Variants in SDK1 observed in about 807,000 individuals in gnomAD.
SDK1 encodes protein sidekick-1.
In SDK1, 157 loss-of-function variants were observed where a neutral mutation model predicts 245.5. That is an observed-to-expected ratio of 0.64 (90% CI 0.56 to 0.73). The LOEUF is 0.73. Among genes scored for constraint, SDK1 ranks in the 30% least tolerant of loss-of-function variants. The probability of loss-of-function intolerance (pLI) is 0.00; values close to 1 mark genes in which losing one functional copy is unlikely to be tolerated. For synonymous variants in SDK1, 1,647 were observed against 1,278.5 expected (o/e 1.29, Z -6.15); for missense variants, 3,583 against 3,002.3 (o/e 1.19, Z -4.52).
intron 1 of SDK1, among the ~76,000 whole-genome samples, chr7:3,455,953 C>G (rs7778916): frequency 0.17 from 26,356 of 152,032 alleles, 4,032 homozygotes; most frequent in African/African-American, 0.41. Flanking sequence ...TTTTCCTTGT[C>G]TTAGAATGTT....
chr7:4,103,292 G>A (rs775573438), intron 22 of SDK1, among the ~76,000 whole-genome samples: 2 of 147,336 alleles, frequency 1.4e-5, no homozygotes, highest in South Asian at 2.2e-4. Context: ...GAGCCACCGC[G>A]CCCGGCCCCC....
At chr7:3,429,212 A>G (rs1234744938) in intron 1 of SDK1, among the ~76,000 whole-genome samples, 1 of 142,342 alleles carries the variant, frequency 7.0e-6, no homozygotes, top group Non-Finnish European at 1.5e-5. Flanking sequence ...AGTTGTGGAT[A>G]GATGAAGGCT....
At chr7:4,104,506 G>A (rs1019348212) in intron 22 of SDK1, among the ~76,000 whole-genome samples, 5 of 152,174 alleles carry the variant, frequency 3.3e-5, no homozygotes, top group Middle Eastern at 3.2e-3. Context: ...CAGAGGTCAC[G>A]GTTATATTGC....
intron 5 of SDK1, among the ~76,000 whole-genome samples, chr7:3,901,194 T>C (rs1238420736): frequency 6.6e-6 from 1 of 151,966 alleles, no homozygotes; most frequent in Non-Finnish European, 1.5e-5. Flanking sequence ...TTTTCTTTTT[T>C]CTTTTTTTTT....
intron 1 of SDK1, among the ~76,000 whole-genome samples, chr7:3,351,324 A>G (rs887712574): frequency 6.6e-5 from 10 of 152,218 alleles, no homozygotes; most frequent in African/African-American, 2.4e-4. Context: ...CTAACAATTT[A>G]TTGATATTAC....
At chr7:4,220,034 C>A in intron 38 of SDK1, 75 bp from the exon 39 acceptor site, 1 of 1,509,700 alleles carries the variant, frequency 6.6e-7, no homozygotes, top group Middle Eastern at 1.8e-4. Context: ...TCCTTGTTAT[C>A]GCAACAGAAC....
intron 4 of SDK1, among the ~76,000 whole-genome samples, chr7:3,689,576 G>A (rs1784386813): frequency 6.6e-6 from 1 of 152,062 alleles, no homozygotes; most frequent in Admixed American, 6.5e-5. Flanking sequence ...TATTTGTTGT[G>A]GCTGCCTGTA....
intron 4 of SDK1, among the ~76,000 whole-genome samples, chr7:3,760,110 C>G (rs1780050296): frequency 6.7e-6 from 1 of 148,918 alleles, no homozygotes; most frequent in South Asian, 2.2e-4. Context: ...TTTGTAAAAA[C>G]ATGGAAAATT....
chr7:4,116,707 T>C (rs1584190465), intron 25 of SDK1, among the ~76,000 whole-genome samples: 1 of 152,112 alleles, frequency 6.6e-6, no homozygotes, highest in East Asian at 1.9e-4. Context: ...GAGGTGAGGG[T>C]AGACAGGAGG....
rs754165214 is a variant in SDK1 at position 4,130,106 on chromosome 7, A to G, written c.4129+9A>G. Reference sequence around the variant, plus strand: ...GCGCACCAAAGACGATGGTAGGTCCAGGGTTCGCGCCTTCGGGAGCCTTGC... The same window carrying G: ...GCGCACCAAAGACGATGGTAGGTCCGGGGTTCGCGCCTTCGGGAGCCTTGC... On this transcript the variant is annotated intron_variant, in intron 27 of 44. Transcript: ENST00000404826. 8.2e-6 allele frequency: 13 copies of G among 1,579,178 alleles called. No individual in the cohort carries two copies. The South Asian group carries it at 1.5e-4, about 18-fold the overall frequency.
intron 13 of SDK1, among the ~76,000 whole-genome samples, chr7:3,978,937 G>A (rs1204075971): frequency 1.3e-5 from 2 of 152,132 alleles, no homozygotes; most frequent in Admixed American, 6.5e-5. Context: ...TAGACCAGCC[G>A]TTGGCCTCTT....
chr7:4,141,620 G>C (rs1157346852), intron 28 of SDK1, among the ~76,000 whole-genome samples: 1 of 152,206 alleles, frequency 6.6e-6, no homozygotes, highest in East Asian at 1.9e-4. Context: ...ACTCAGGTAG[G>C]CTGGTGGGAT....
chr7:3,776,662 A>T (rs377115035), intron 4 of SDK1, among the ~76,000 whole-genome samples: 1 of 152,056 alleles, frequency 6.6e-6, no homozygotes, highest in African/African-American at 2.4e-5. Context: ...ACAGTAACTG[A>T]CCTATAAAAC....
intron 5 of SDK1, among the ~76,000 whole-genome samples, chr7:3,848,662 G>A (rs971519861): frequency 2.0e-5 from 3 of 151,924 alleles, no homozygotes; most frequent in East Asian, 3.9e-4. Context: ...AATGACTATA[G>A]AGTTGTCTTT....
chr7:3,851,308 A>G (rs1485907638), intron 5 of SDK1, among the ~76,000 whole-genome samples: 2 of 152,230 alleles, frequency 1.3e-5, no homozygotes, highest in Non-Finnish European at 2.9e-5. Context: ...TTAACATTTT[A>G]ATGAAGGAAT....
chr7:4,152,238 C>A (rs1279276461), intron 30 of SDK1, among the ~76,000 whole-genome samples: 1 of 152,288 alleles, frequency 6.6e-6, no homozygotes, highest in South Asian at 2.1e-4. Flanking sequence ...CTCACTTGCC[C>A]TTTGAGCTAC....
At chr7:3,554,205 G>C (rs1339068251) in intron 1 of SDK1, among the ~76,000 whole-genome samples, 5 of 152,098 alleles carry the variant, frequency 3.3e-5, no homozygotes, top group African/African-American at 1.2e-4. Context: ...CGCACATCCT[G>C]GGCCATAGAG....
Position 3,950,905 on chromosome 7 carries a change from C to T in SDK1, c.848-18C>T, listed in dbSNP as rs758652796. The T allele has an allele frequency of 1.4e-5, 22 of 1,600,182 alleles. No homozygotes were observed. The highest frequency in any genetic ancestry group is 2.7e-5 in the African/African-American group (2 of 74,712). ...TGTACTTAGAGTTTCATGGACATTT[C>T]TCTTTTCTCTGCCACAGGAGATGTT... On this transcript the variant is annotated intron_variant, in intron 5 of 44. Transcript: ENST00000404826.
chr7:3,828,590 T>G (rs973237935), intron 5 of SDK1, among the ~76,000 whole-genome samples: 2 of 151,570 alleles, frequency 1.3e-5, no homozygotes, highest in African/African-American at 2.4e-5. Context: ...AAGGTTTGTT[T>G]TGGTTTGGTT....
Sources: gnomAD v4.1 joint callset for allele counts (sites outside exome capture counted in the v4.1 genomes callset) on GRCh38, gnomAD v4.1.1 for gene constraint, MANE v1.5 for transcripts, NCBI Gene and HGNC (gene_info 2026-07-23, HGNC 2026-07-21) for gene names.